NDUFA5: variants seen among roughly 807,000 people sequenced by gnomAD.
NDUFA5 encodes NADH:ubiquinone oxidoreductase subunit A5.
Under a neutral mutation model 19.8 loss-of-function variants are expected in NDUFA5, and 11 were observed. The observed-to-expected ratio is 0.56, with a 90% CI of 0.35 to 0.92. NDUFA5 has a LOEUF of 0.92. Ranked by LOEUF, NDUFA5 falls within the 40% of genes least tolerant of loss-of-function variation. NDUFA5 has a pLI of 0.01. For synonymous variants in NDUFA5, 47 were observed against 46.8 expected, an observed-to-expected ratio of 1.00 and a Z score of -0.01; for missense variants, 109 against 134.2, an observed-to-expected ratio of 0.81 and a Z score of 0.93.
intron 2 of NDUFA5, chr7:123,556,229 A>G (rs562183850): frequency 6.6e-6 from 1 of 151,620 alleles, no homozygotes; most frequent in South Asian, 2.1e-4. Flanking sequence ...TAGGCAGAAG[A>G]TCAGGAACCC....
At chr7:123,600,040 A>C in the NDUFA5 span, among the ~76,000 whole-genome samples, 3 of 152,194 alleles carry the variant, frequency 2.0e-5, no homozygotes, top group Non-Finnish European at 4.4e-5. Flanking sequence ...TATATGAGTT[A>C]CTCAAAGTAT....
At chr7:123,565,410 C>A in the NDUFA5 span, among the ~76,000 whole-genome samples, 1 of 151,796 alleles carries the variant, frequency 6.6e-6, no homozygotes, top group East Asian at 1.9e-4. Flanking sequence ...CACACACACA[C>A]ACACACACAC....
the NDUFA5 span, among the ~76,000 whole-genome samples, chr7:123,565,438 C>T: frequency 6.6e-6 from 1 of 151,714 alleles, no homozygotes; most frequent in East Asian, 1.9e-4. Context: ...CATCCACACA[C>T]GAATTTAGGG....
In NDUFA5 at chr7:123,542,012, T is replaced by C; in HGVS notation, c.*107A>G. ...TTAACAGTCTCCTACATATTTTCTATATCACTTTTCTTGATTACAAAATGT... is the reference window on the plus strand; with the variant it reads ...TTAACAGTCTCCTACATATTTTCTACATCACTTTTCTTGATTACAAAATGT... On this transcript the variant is annotated 3_prime_UTR_variant, in exon 5 of 5. Coordinates refer to ENST00000355749, the MANE Select transcript of NDUFA5 (RefSeq NM_005000.5). 1.5e-6 allele frequency: 1 copy of C among 685,298 alleles called. No individual in the cohort carries two copies. Among genetic ancestry groups the C allele is most frequent in the Non-Finnish European group, 2.3e-6 (1 of 439,654 alleles). The allele number at this position is 685,298 out of a possible 1,614,324, so 42.5% of individuals were successfully genotyped here. A position where few individuals can be genotyped will look rare whatever the true frequency, so the allele number is the denominator to read the frequency against.
At chr7:123,583,351 G>A in the NDUFA5 span, among the ~76,000 whole-genome samples, 6 of 151,940 alleles carry the variant, frequency 3.9e-5, no homozygotes, top group African/African-American at 1.4e-4. Context: ...CATGGGAAGT[G>A]GGAACTAACG....
At chr7:123,596,049 T>C in the NDUFA5 span, among the ~76,000 whole-genome samples, 1 of 152,204 alleles carries the variant, frequency 6.6e-6, no homozygotes, top group Admixed American at 6.5e-5. Flanking sequence ...ACTTTGGGAA[T>C]ATTCAGAATA....
Position 123,539,125 on chromosome 7 carries a change from T to A in NDUFA5, c.*2994A>T, listed in dbSNP as rs1166270334. The A allele has an allele frequency of 2.0e-5, 3 of 152,182 alleles. No individual in the cohort carries two copies. The highest frequency in any genetic ancestry group is 2.9e-5 in the Non-Finnish European group (2 of 68,040). 9.4% of individuals were successfully genotyped at this position (152,182 alleles called of 1,614,324 possible). Reference sequence around the variant, plus strand: ...ACTACTACTGCTGGCATCAATTCATTCTATTCCAATGACAGACTAGTTGAT... The same window carrying A: ...ACTACTACTGCTGGCATCAATTCATACTATTCCAATGACAGACTAGTTGAT... On this transcript the variant is annotated 3_prime_UTR_variant, in exon 5 of 5. Transcript: ENST00000355749.
rs11982410 is a variant in NDUFA5, at chr7:123,542,437, T to C, written c.250-217A>G. Reference sequence around the variant, plus strand: ...ATATCTTTTGTTATCTTCTATTTGATTGAAATAGGCTATAGTGTTTAAAAG... The same window carrying C: ...ATATCTTTTGTTATCTTCTATTTGACTGAAATAGGCTATAGTGTTTAAAAG... On this transcript the variant is annotated intron_variant, in intron 4 of 4. Coordinates refer to ENST00000355749, the MANE Select transcript of NDUFA5 (RefSeq NM_005000.5). 0.065 allele frequency among the ~76,000 whole-genome samples: 9,905 copies of C among 152,266 alleles called. 357 individuals carry two copies. Among genetic ancestry groups the C allele is most frequent in the Non-Finnish European group, 0.079 (5,393 of 68,008 alleles).
chr7:123,551,211 C>T (rs796369662), intron 2 of NDUFA5, among the ~76,000 whole-genome samples: 23 of 128,176 alleles, frequency 1.8e-4, no homozygotes, highest in Non-Finnish European at 2.1e-4. Context: ...TTCTTTCTTT[C>T]TTTTTTTTTT....
At chr7:123,569,213 C>T in the NDUFA5 span, among the ~76,000 whole-genome samples, 2 of 151,836 alleles carry the variant, frequency 1.3e-5, no homozygotes, top group Non-Finnish European at 2.9e-5. Flanking sequence ...AAGAGACAGA[C>T]GTAAATGGCA....
At chr7:123,566,013 C>T in the NDUFA5 span, among the ~76,000 whole-genome samples, 9 of 147,456 alleles carry the variant, frequency 6.1e-5, no homozygotes, top group Non-Finnish European at 1.0e-4. Flanking sequence ...AGTGAGACTC[C>T]GTCTAAAAAA....
chr7:123,544,764 TAAAAAAAAA>T (rs61556029), intron 4 of NDUFA5, among the ~76,000 whole-genome samples: 37 of 61,820 alleles, frequency 6.0e-4, no homozygotes, highest in African/African-American at 2.2e-3. Context: ...ATGCAAATCT[TAAAAAAAAA>T]AAAAAAAAAA....
chr7:123,555,678 C>T (rs1290994319), intron 2 of NDUFA5: 1 of 151,482 alleles, frequency 6.6e-6, no homozygotes, highest in Non-Finnish European at 1.5e-5. Context: ...ATTCAACTAA[C>T]ACTATTTACT....
At chr7:123,550,318 A>C in intron 3 of NDUFA5, 152 bp downstream of exon 3, 1 of 600,782 alleles carries the variant, frequency 1.7e-6, no homozygotes, top group South Asian at 1.8e-5. Flanking sequence ...CTCAATAAAC[A>C]AGAGTTTGCT....
At chr7:123,574,714 T>C in the NDUFA5 span, among the ~76,000 whole-genome samples, 1 of 152,156 alleles carries the variant, frequency 6.6e-6, no homozygotes, top group Non-Finnish European at 1.5e-5. Flanking sequence ...GCTAATTCCT[T>C]AACCCACTGT....
intron 4 of NDUFA5, among the ~76,000 whole-genome samples, chr7:123,543,969 T>C (rs1297119739): frequency 6.6e-6 from 1 of 152,222 alleles, no homozygotes; most frequent in Non-Finnish European, 1.5e-5. Context: ...TGATTTGGTA[T>C]ATCATGTCTG....
chr7:123,551,690 C>T (rs1378572550), intron 2 of NDUFA5: 2 of 220,876 alleles, frequency 9.1e-6, no homozygotes, highest in Non-Finnish European at 1.5e-5. Context: ...GACATAAAGT[C>T]TGCATAAAAG....
At chr7:123,592,489 T>C in the NDUFA5 span, among the ~76,000 whole-genome samples, 1 of 152,346 alleles carries the variant, frequency 6.6e-6, no homozygotes, top group African/African-American at 2.4e-5. Context: ...GTTGTGTCTT[T>C]GTTCTCATTG....
intron 2 of NDUFA5, chr7:123,551,542 C>A (rs1294919294): frequency 5.1e-6 from 5 of 974,152 alleles, no homozygotes; most frequent in African/African-American, 3.5e-5. Context: ...CGAAGCACTG[C>A]AAATTTTTTT....
Sources: allele counts gnomAD v4.1 joint callset (sites outside exome capture counted in the v4.1 genomes callset), GRCh38; gene constraint gnomAD v4.1.1; transcripts MANE v1.5; gene names NCBI Gene and HGNC (gene_info 2026-07-23, HGNC 2026-07-21).